PTPRD: variants seen among roughly 807,000 people sequenced by gnomAD.
PTPRD encodes receptor-type tyrosine-protein phosphatase delta.
A neutral mutation model predicts 214.5 loss-of-function variants in PTPRD; 34 were observed. The ratio of observed to expected loss-of-function variants is 0.16; its 90% CI spans 0.12 to 0.21. The LOEUF is 0.21. PTPRD is among the 10% of genes least tolerant of loss of function. The pLI, the probability that PTPRD is intolerant of heterozygous loss-of-function variation, is 1.00. For missense variants in PTPRD, 2,545 were observed against 2,398.7 expected (o/e 1.06, Z -1.27); for synonymous variants, 1,128 against 845.7 (o/e 1.33, Z -5.79).
intron 3 of PTPRD, among the ~76,000 whole-genome samples, chr9:10,288,914 T>C (rs543732401): frequency 7.2e-5 from 11 of 152,236 alleles, no homozygotes; most frequent in South Asian, 2.1e-4. Flanking sequence ...TCATCTGTAC[T>C]TAAAAAAACT....
chr9:9,148,955 A>T (rs964719787), intron 10 of PTPRD, among the ~76,000 whole-genome samples: 2 of 152,238 alleles, frequency 1.3e-5, no homozygotes, highest in East Asian at 3.8e-4. Context: ...GTAGGCTAAT[A>T]CTGCCTTTGG....
intron 10 of PTPRD, among the ~76,000 whole-genome samples, chr9:9,063,674 T>C (rs2099713524): frequency 6.6e-6 from 1 of 152,158 alleles, no homozygotes. Flanking sequence ...ACCAAATGCA[T>C]ATCAAAACCA....
At chr9:9,582,329 G>C (rs920593797) in intron 7 of PTPRD, among the ~76,000 whole-genome samples, 2 of 147,284 alleles carry the variant, frequency 1.4e-5, no homozygotes, top group Non-Finnish European at 3.0e-5. Context: ...CCGTCCCTAA[G>C]TAAAATTTCT....
intron 2 of PTPRD, among the ~76,000 whole-genome samples, chr9:10,437,929 T>G (rs2154522501): frequency 6.7e-6 from 1 of 149,154 alleles, no homozygotes; most frequent in East Asian, 2.0e-4. Flanking sequence ...TATTCTGTGT[T>G]TCAAAAATGG....
intron 9 of PTPRD, among the ~76,000 whole-genome samples, chr9:9,190,941 T>C (rs544511203): frequency 6.6e-6 from 1 of 152,064 alleles, no homozygotes; most frequent in African/African-American, 2.4e-5. Flanking sequence ...AACCATAGAG[T>C]TCAGATGTTG....
chr9:8,458,179 CAG>C lies in PTPRD; in HGVS notation c.3875+2230_3875+2231del, dbSNP rs894505224. On this transcript the variant is annotated intron_variant, in intron 33 of 45. Coordinates refer to ENST00000381196, the MANE Select transcript of PTPRD (RefSeq NM_002839.4). ...ACACTAAAATGCTACTCTATTTTAA[CAG>C]AGTCATAAAACCTTTAAATATGATA... Among the ~76,000 whole-genome samples the C allele has an allele frequency of 1.3e-3, 192 of 152,230 alleles. 1 individual carries two copies. Among genetic ancestry groups the C allele is most frequent in the African/African-American group, 4.3e-3 (177 of 41,532 alleles).
intron 5 of PTPRD, among the ~76,000 whole-genome samples, chr9:9,920,347 T>C (rs2082213846): frequency 6.6e-6 from 1 of 152,166 alleles, no homozygotes; most frequent in Non-Finnish European, 1.5e-5. Context: ...TGCTAAAAGG[T>C]AATTGATCCT....
chr9:9,267,387 G>A (rs1255132181), intron 9 of PTPRD, among the ~76,000 whole-genome samples: 1 of 151,202 alleles, frequency 6.6e-6, no homozygotes, highest in African/African-American at 2.4e-5. Context: ...CTAATAATGA[G>A]TAAGGAGATT....
chr9:9,980,336 T>C (rs1434150800), intron 4 of PTPRD, among the ~76,000 whole-genome samples: 4 of 151,764 alleles, frequency 2.6e-5, no homozygotes, highest in Non-Finnish European at 5.9e-5. Flanking sequence ...GGGCCGGTTA[T>C]GGTGGGTCAC....
At chr9:8,885,323 G>C (rs982661932) in intron 11 of PTPRD, among the ~76,000 whole-genome samples, 2 of 151,922 alleles carry the variant, frequency 1.3e-5, no homozygotes, top group Admixed American at 6.6e-5. Flanking sequence ...TCAGGGCATG[G>C]GATGTTTAGG....
chr9:9,611,133 C>T (rs905406242), intron 7 of PTPRD, among the ~76,000 whole-genome samples: 1 of 152,086 alleles, frequency 6.6e-6, no homozygotes, highest in Non-Finnish European at 1.5e-5. Context: ...ACATGATGTA[C>T]CATAATTCCT....
intron 8 of PTPRD, among the ~76,000 whole-genome samples, chr9:9,524,346 A>G (rs1260586793): frequency 1.3e-5 from 2 of 152,114 alleles, no homozygotes; most frequent in African/African-American, 4.8e-5. Flanking sequence ...ACACTCTAAC[A>G]AATATGTCTA....
intron 39 of PTPRD, among the ~76,000 whole-genome samples, chr9:8,373,610 C>A (rs917542824): frequency 3.3e-5 from 4 of 121,484 alleles, no homozygotes; most frequent in African/African-American, 1.3e-4. Flanking sequence ...AACATGGATG[C>A]GGGTGTGTGT....
intron 2 of PTPRD, among the ~76,000 whole-genome samples, chr9:10,440,548 GA>G (rs2098751777): frequency 6.6e-6 from 1 of 151,618 alleles, no homozygotes; most frequent in Non-Finnish European, 1.5e-5. Flanking sequence ...ATGAGACATA[GA>G]GAAAGATAGA....
chr9:10,471,715 T>C (rs1340386541), intron 2 of PTPRD, among the ~76,000 whole-genome samples: 1 of 152,170 alleles, frequency 6.6e-6, no homozygotes, highest in African/African-American at 2.4e-5. Flanking sequence ...ATTTATGATA[T>C]ATAGATAAAG....
intron 2 of PTPRD, among the ~76,000 whole-genome samples, chr9:10,504,950 T>C (rs2045400810): frequency 6.6e-6 from 1 of 152,162 alleles, no homozygotes; most frequent in South Asian, 2.1e-4. Flanking sequence ...GTAACACTGG[T>C]GTATCTGCTA....
intron 11 of PTPRD, among the ~76,000 whole-genome samples, chr9:8,771,732 CACGTAT>C (rs1316562054): frequency 6.6e-6 from 1 of 151,774 alleles, no homozygotes; most frequent in East Asian, 1.9e-4. Flanking sequence ...AAATTGCATG[CACGTAT>C]ACATATGTTC....
At chr9:10,087,933 T>C (rs1301387008) in intron 3 of PTPRD, among the ~76,000 whole-genome samples, 1 of 151,732 alleles carries the variant, frequency 6.6e-6, no homozygotes, top group Non-Finnish European at 1.5e-5. Context: ...TAATACAGGG[T>C]CTAGTTTTTG....
chr9:8,871,265 C>T (rs970104299), intron 11 of PTPRD, among the ~76,000 whole-genome samples: 4 of 152,164 alleles, frequency 2.6e-5, no homozygotes, highest in African/African-American at 9.7e-5. Context: ...GGGAAGACTA[C>T]TCTAAAAAGC....
Sources: gnomAD v4.1 joint callset for allele counts (sites outside exome capture counted in the v4.1 genomes callset) on GRCh38, gnomAD v4.1.1 for gene constraint, MANE v1.5 for transcripts, NCBI Gene and HGNC (gene_info 2026-07-23, HGNC 2026-07-21) for gene names.